Variants in SCFD2 observed in about 807,000 individuals in gnomAD.
SCFD2 encodes the protein sec1 family domain containing 2.
SCFD2 carries 54 observed loss-of-function variants against 58.9 expected under a neutral mutation model. The observed-to-expected ratio is 0.92, with a 90% CI of 0.74 to 1.15. The LOEUF (loss-of-function observed/expected upper bound fraction) is 1.15, where lower values mean the gene tolerates loss of function less well. Ranked by LOEUF, SCFD2 falls within the 50% of genes most tolerant of loss-of-function variation. SCFD2 has a pLI of 0.00. For synonymous variants in SCFD2, 321 were observed against 335.9 expected, an observed-to-expected ratio of 0.96 and a Z score of 0.49; for missense variants, 805 against 836.6, an observed-to-expected ratio of 0.96 and a Z score of 0.47.
chr4:52,882,863 C>T (rs759633738), intron 8 of SCFD2, among the ~76,000 whole-genome samples: 22 of 152,316 alleles, frequency 1.4e-4, no homozygotes, highest in Non-Finnish European at 2.8e-4. Flanking sequence ...CTAATACACC[C>T]TCCAAGCCTC....
intron 4 of SCFD2, among the ~76,000 whole-genome samples, chr4:53,272,893 T>C (rs1480636995): frequency 6.6e-6 from 1 of 152,138 alleles, no homozygotes; most frequent in African/African-American, 2.4e-5. Context: ...AAGCAAGCTA[T>C]TTAGGGATAT....
At chr4:53,010,104 T>A (rs1350494310) in intron 5 of SCFD2, among the ~76,000 whole-genome samples, 1 of 152,196 alleles carries the variant, frequency 6.6e-6, no homozygotes. Context: ...GCCTCCCACA[T>A]GATAACTGAG....
intron 2 of SCFD2, among the ~76,000 whole-genome samples, chr4:53,324,671 T>C (rs1400275396): frequency 6.6e-6 from 1 of 152,018 alleles, no homozygotes; most frequent in Non-Finnish European, 1.5e-5. Context: ...GGGCTTAGGA[T>C]GTGCTGGTTT....
At chr4:53,188,425 G>A (rs1049793851) in intron 4 of SCFD2, among the ~76,000 whole-genome samples, 20 of 89,270 alleles carry the variant, frequency 2.2e-4, no homozygotes, top group Non-Finnish European at 4.1e-4. Flanking sequence ...ACTGGTGTGT[G>A]TGTGTGTGTG....
chr4:53,345,482 C>G (rs1445909533), intron 2 of SCFD2, among the ~76,000 whole-genome samples: 2 of 152,150 alleles, frequency 1.3e-5, no homozygotes, highest in Non-Finnish European at 2.9e-5. Context: ...AATAGGAAAA[C>G]TTTTACACTG....
chr4:53,328,677 A>T (rs1280267582), intron 2 of SCFD2, among the ~76,000 whole-genome samples: 1 of 152,270 alleles, frequency 6.6e-6, no homozygotes, highest in Non-Finnish European at 1.5e-5. Flanking sequence ...AAATGATAGA[A>T]TTGGAAAAAT....
At chr4:53,109,047 C>T (rs146961119) in intron 5 of SCFD2, among the ~76,000 whole-genome samples, 1,733 of 152,316 alleles carry the variant, frequency 0.011, 18 homozygotes, top group Middle Eastern at 0.034. Context: ...ACCTGGGATG[C>T]AAGACTGGTT....
chr4:53,147,402 T>G (rs1461040178), intron 4 of SCFD2, among the ~76,000 whole-genome samples: 1 of 152,208 alleles, frequency 6.6e-6, no homozygotes, highest in Non-Finnish European at 1.5e-5. Context: ...ATCTCAAGGT[T>G]AAGGTTCACG....
chr4:53,163,298 G>C (rs1048185103), intron 4 of SCFD2, among the ~76,000 whole-genome samples: 4 of 152,206 alleles, frequency 2.6e-5, no homozygotes, highest in African/African-American at 9.6e-5. Context: ...ATTGCCTTTA[G>C]GGGTTTCTAT....
intron 5 of SCFD2, among the ~76,000 whole-genome samples, chr4:53,109,922 C>A (rs1725119869): frequency 6.6e-6 from 1 of 151,518 alleles, no homozygotes; most frequent in African/African-American, 2.4e-5. Context: ...CAATCCTAAG[C>A]CAAAAAAAAT....
chr4:53,214,234 G>A (rs571131837), intron 4 of SCFD2, among the ~76,000 whole-genome samples: 1 of 152,130 alleles, frequency 6.6e-6, no homozygotes, highest in Non-Finnish European at 1.5e-5. Context: ...TCGCCACACT[G>A]ACTTCCACAA....
chr4:53,221,745 G>A (rs959485625), intron 4 of SCFD2, among the ~76,000 whole-genome samples: 3 of 152,232 alleles, frequency 2.0e-5, no homozygotes, highest in Admixed American at 6.5e-5. Context: ...GAGACAAATT[G>A]CAAACTGGAA....
chr4:53,197,126 G>A (rs964426935), intron 4 of SCFD2, among the ~76,000 whole-genome samples: 2 of 151,994 alleles, frequency 1.3e-5, no homozygotes, highest in African/African-American at 2.4e-5. Flanking sequence ...GGCGGGGGAG[G>A]AAAATTTCCT....
In SCFD2 at chr4:53,208,648, A is replaced by G. The variant is rs1403936476; in HGVS notation, c.1312-63066T>C. 5.3e-5 allele frequency among the ~76,000 whole-genome samples: 8 copies of G among 152,164 alleles called. No homozygotes were observed. In the South Asian group the frequency reaches 1.4e-3, roughly 28 times the overall value. ...CAGCAAAGGCTAAGGCAGTGCTCTT[A>G]CCTCCCAGTCAAAGCCATATACACC... On this transcript the variant is annotated intron_variant, in intron 4 of 8. Transcript: ENST00000401642.
At chr4:53,128,701 T>G (rs1288295080) in intron 5 of SCFD2, among the ~76,000 whole-genome samples, 5 of 152,232 alleles carry the variant, frequency 3.3e-5, no homozygotes, top group African/African-American at 1.2e-4. Context: ...ATTTAAAGCA[T>G]CCTACATTTT....
intron 2 of SCFD2, among the ~76,000 whole-genome samples, chr4:53,338,661 A>G (rs1733760353): frequency 8.0e-6 from 1 of 125,076 alleles, no homozygotes; most frequent in African/African-American, 3.0e-5. Flanking sequence ...GCTCACTGCA[A>G]GCTCCGCCTC....
intron 4 of SCFD2, among the ~76,000 whole-genome samples, chr4:53,154,392 CTT>C (rs1054497173): frequency 6.6e-6 from 1 of 152,098 alleles, no homozygotes; most frequent in African/African-American, 2.4e-5. Flanking sequence ...GTAGCATACT[CTT>C]TTAAACAACC....
intron 4 of SCFD2, among the ~76,000 whole-genome samples, chr4:53,201,596 C>G (rs1052270623): frequency 6.6e-6 from 1 of 152,100 alleles, no homozygotes; most frequent in African/African-American, 2.4e-5. Context: ...TGAGGAATCG[C>G]CACACTGACT....
chr4:53,293,952 C>G lies in SCFD2; in HGVS notation c.1135+19684G>C, dbSNP rs1174601498. Among the ~76,000 whole-genome samples the G allele has an allele frequency of 3.4e-5, 5 of 147,658 alleles. No homozygotes were observed. In the South Asian group the frequency reaches 1.1e-3, roughly 33 times the overall value. On this transcript the variant is annotated intron_variant, in intron 3 of 8. Coordinates refer to ENST00000401642, the MANE Select transcript of SCFD2 (RefSeq NM_152540.4). ...GTGTCCATGTATTTTAATTGTTCAA[C>G]TCCGACTTATGACTGAGAACATGCA...
Sources: allele counts gnomAD v4.1 joint callset (sites outside exome capture counted in the v4.1 genomes callset), GRCh38; gene constraint gnomAD v4.1.1; transcripts MANE v1.5; gene names NCBI Gene and HGNC (gene_info 2026-07-23, HGNC 2026-07-21).